TGM5: variants seen among roughly 807,000 people sequenced by gnomAD.
TGM5 encodes the protein transglutaminase 5, also known as protein-glutamine gamma-glutamyltransferase 5.
A neutral mutation model predicts 77.2 loss-of-function variants in TGM5; 69 were observed. The observed-to-expected ratio is 0.89, with a 90% CI of 0.74 to 1.09. The LOEUF (loss-of-function observed/expected upper bound fraction) is 1.09, where lower values mean the gene tolerates loss of function less well. TGM5 is among the 50% of genes least tolerant of loss of function. The pLI, the probability that TGM5 is intolerant of heterozygous loss-of-function variation, is 0.00. For missense variants in TGM5, 842 were observed against 896.5 expected, an observed-to-expected ratio of 0.94 and a Z score of 0.78; for synonymous variants, 346 against 351.8, an observed-to-expected ratio of 0.98 and a Z score of 0.18.
intron 6 of TGM5, among the ~76,000 whole-genome samples, chr15:43,247,383 A>G (rs553900124): frequency 1.1e-4 from 16 of 152,254 alleles, no homozygotes; most frequent in Admixed American, 9.2e-4. Flanking sequence ...TGCCAGAGAC[A>G]ATGAAATTAG....
intron 5 of TGM5, 52 bp downstream of exon 5, chr15:43,253,454 A>C (rs943652059): frequency 4.4e-6 from 7 of 1,603,080 alleles, no homozygotes; most frequent in Non-Finnish European, 5.9e-6. Flanking sequence ...GTGAGTGGGC[A>C]GGGCTCCCGC....
Position 43,232,812 on chromosome 15 carries a change from A to G in TGM5, c.*379T>C, listed in dbSNP as rs1333373179. 3.7e-6 allele frequency: 1 copy of G among 267,300 alleles called. No homozygotes were observed. Among genetic ancestry groups the G allele is most frequent in the Non-Finnish European group, 7.2e-6 (1 of 138,652 alleles). The allele number at this position is 267,300 out of a possible 1,614,324, so 16.6% of individuals were successfully genotyped here. A position where few individuals can be genotyped will look rare whatever the true frequency, so the allele number is the denominator to read the frequency against. On this transcript the variant is annotated 3_prime_UTR_variant, in exon 13 of 13. Transcript: ENST00000220420. ...GGAATCTCTGGATGGGACACAGTGG[A>G]ATCCCTGGGCCCTGAAAAGAGTCCA...
chr15:43,263,209 C>A (rs906491608), intron 1 of TGM5, among the ~76,000 whole-genome samples: 10 of 152,068 alleles, frequency 6.6e-5, no homozygotes, highest in Admixed American at 2.6e-4. Context: ...TTAAAGAAGA[C>A]CTAAATAAAT....
intron 6 of TGM5, among the ~76,000 whole-genome samples, chr15:43,246,984 C>T (rs2042673635): frequency 6.6e-6 from 1 of 151,878 alleles, no homozygotes; most frequent in African/African-American, 2.4e-5. Context: ...ATGGCGAAAC[C>T]CTGCCTCTAC....
Position 43,233,281 on chromosome 15 carries a change from A to G in TGM5, c.2073T>C (p.Ser691=), listed in dbSNP as rs115823771. 3.4e-4 allele frequency: 554 copies of G among 1,613,942 alleles called. No individual in the cohort carries two copies. In the African/African-American group the frequency reaches 6.6e-3, roughly 19 times the overall value. The part of the protein sequence containing the change: ...SIILETVPFK[S]GQRQIQANMR... ...TATTAGCTTGGATCTGCCTTTGTCC[A>G]CTCTTGAAGGGGACGGTCTCCAGAA... The change falls in exon 13 of 13, where the codon AGT becomes AGC. Residue 691 remains serine (S), a synonymous_variant. Coordinates refer to ENST00000220420, the MANE Select transcript of TGM5 (RefSeq NM_201631.4).
intron 1 of TGM5, 139 bp downstream of exon 1, chr15:43,266,701 T>A: frequency 8.7e-7 from 1 of 1,152,812 alleles, no homozygotes; most frequent in Non-Finnish European, 1.3e-6. Context: ...CTGAGGTTTC[T>A]GGGATTCTTG....
rs201157045 is a variant in TGM5 at position 43,233,176 on chromosome 15, G to T, written c.*15C>A. 6.2e-7 allele frequency: 1 copy of T among 1,613,864 alleles called. No homozygotes were observed. Among genetic ancestry groups the T allele is most frequent in the South Asian group, 1.1e-5 (1 of 91,072 alleles). On this transcript the variant is annotated 3_prime_UTR_variant, in exon 13 of 13. Transcript: ENST00000220420. ...GAAGCTTGAAATTCACACGTCTGGC[G>T]CGTTGTTCCAGAATTTATAATGCAA...
intron 5 of TGM5, among the ~76,000 whole-genome samples, chr15:43,253,167 A>C (rs1017698633): frequency 6.6e-6 from 1 of 152,142 alleles, no homozygotes; most frequent in African/African-American, 2.4e-5. Flanking sequence ...CCCCTTACCC[A>C]TGTCCTCCCA....
chr15:43,239,252 C>T lies in TGM5; in HGVS notation c.1016G>A (p.Trp339Ter), dbSNP rs773680472. 31 of 1,614,172 alleles carry T rather than the reference C, an allele frequency of 1.9e-5. No individual in the cohort carries two copies. The East Asian group carries it at 6.7e-4, about 35-fold the overall frequency. ...KKDTIWNFHV[W>*]NECWMARKDL... ...CTTCCGGGCCATCCAGCACTCATTC[C>T]AGACATGGAAGTTCCTGTGTCAAAC... The change falls in exon 8 of 13, where the codon TGG becomes TAG. Residue 339 changes from tryptophan (W) to a stop codon, truncating the protein, a stop_gained. Transcript: ENST00000220420. LOFTEE classifies it high-confidence loss of function.
At position 43,260,162 on chromosome 15, in the gene TGM5, G is replaced by A. The variant is rs113463533; in HGVS notation, c.326C>T (p.Thr109Met). Residue 109 changes from threonine to methionine, a missense_variant, in exon 3 of 13, where the codon ACG (threonine) becomes ATG (methionine). Coordinates refer to ENST00000220420, the MANE Select transcript of TGM5 (RefSeq NM_201631.4). ...STEVSLCAPPTAAVGRYLLKI... is the reference protein window; with the variant it reads ...STEVSLCAPPMAAVGRYLLKI... The stretch of plus-strand genomic sequence containing the variant: ...CAAGAGGTACCGACCCACGGCCGCC[G>A]TGGGAGGAGCGCACAAGCTCACCTC... 9,720 of 1,614,134 alleles carry A rather than the reference G, an allele frequency of 6.0e-3. 178 individuals carry two copies. The East Asian group carries it at 0.082, about 14-fold the overall frequency.
rs1467918774 is a variant in TGM5, at chr15:43,233,120, G to T, written c.*71C>A. 5 of 1,585,730 alleles carry T rather than the reference G, an allele frequency of 3.2e-6. No individual in the cohort carries two copies. The East Asian group carries it at 6.8e-5, about 21-fold the overall frequency. ...AGCCTCTGTTGTGGTGGGGAATGGCGCAGCTTGCATTTGAACTTGCTCCTT... is the reference window on the plus strand; with the variant it reads ...AGCCTCTGTTGTGGTGGGGAATGGCTCAGCTTGCATTTGAACTTGCTCCTT... On this transcript the variant is annotated 3_prime_UTR_variant, in exon 13 of 13. Transcript: ENST00000220420.
intron 3 of TGM5, among the ~76,000 whole-genome samples, chr15:43,258,801 C>A (rs2042762458): frequency 6.6e-6 from 1 of 152,112 alleles, no homozygotes; most frequent in East Asian, 1.9e-4. Flanking sequence ...GGCACAAGCT[C>A]AAGAGAGAAG....
At chr15:43,241,919 C>T (rs773718885) in intron 6 of TGM5, among the ~76,000 whole-genome samples, 5 of 152,252 alleles carry the variant, frequency 3.3e-5, no homozygotes, top group Middle Eastern at 3.4e-3. Context: ...GGATTACAGG[C>T]GTGAGCCACC....
At chr15:43,266,351 A>G (rs1473002037) in intron 1 of TGM5, among the ~76,000 whole-genome samples, 1 of 152,218 alleles carries the variant, frequency 6.6e-6, no homozygotes, top group East Asian at 1.9e-4. Context: ...AAGGTTGGTG[A>G]TGGGAAGATT....
rs1396988852 is a variant in TGM5 at position 43,238,779 on chromosome 15, G to A, written c.1345+38C>T. The A allele has an allele frequency of 2.5e-6, 4 of 1,611,016 alleles. No homozygotes were observed. The Admixed American group carries it at 6.7e-5, about 27-fold the overall frequency. Reference sequence around the variant, plus strand: ...CCTGGGGTAGGGGAAGGTTCCTGCAGGGCTGGGGCTCTGAGTAGGGCTGGC... The same window carrying A: ...CCTGGGGTAGGGGAAGGTTCCTGCAAGGCTGGGGCTCTGAGTAGGGCTGGC... On this transcript the variant is annotated intron_variant, in intron 9 of 12. Coordinates refer to ENST00000220420, the MANE Select transcript of TGM5 (RefSeq NM_201631.4).
chr15:43,260,617 GT>G, intron 1 of TGM5, 38 bp from the exon 2 acceptor site: 3 of 1,611,218 alleles, frequency 1.9e-6, no homozygotes, highest in Non-Finnish European at 2.5e-6. Context: ...AAATAGTGGG[GT>G]TGTGGAGCCA....
At chr15:43,239,392 C>G in intron 7 of TGM5, 126 bp from the exon 8 acceptor site, 2 of 937,634 alleles carry the variant, frequency 2.1e-6, no homozygotes, top group Non-Finnish European at 3.4e-6. Context: ...CTTAAAACCT[C>G]TGTGGATAGC....
intron 11 of TGM5, 113 bp from the exon 12 acceptor site, chr15:43,233,800 C>A: frequency 6.5e-6 from 8 of 1,237,844 alleles, no homozygotes; most frequent in Non-Finnish European, 9.3e-6. Context: ...AAATATGCCA[C>A]TTTGGCATAA....
chr15:43,245,928 G>T (rs1053115778), intron 6 of TGM5, among the ~76,000 whole-genome samples: 1 of 151,294 alleles, frequency 6.6e-6, no homozygotes, highest in Non-Finnish European at 1.5e-5. Context: ...TGGCAAAAAA[G>T]GCCCCTTCAC....
Sources: gnomAD v4.1 joint callset for allele counts (sites outside exome capture counted in the v4.1 genomes callset) on GRCh38, gnomAD v4.1.1 for gene constraint, MANE v1.5 for transcripts, NCBI Gene and HGNC (gene_info 2026-07-23, HGNC 2026-07-21) for gene names.